The following ZNF804B variants were observed in gnomAD, a reference collection of about 807,000 sequenced individuals.
ZNF804B encodes the protein zinc finger 804B.
ZNF804B carries 80 observed loss-of-function variants against 101.4 expected under a neutral mutation model. That is an observed-to-expected ratio of 0.79 (90% CI 0.66 to 0.95). The LOEUF is 0.95. ZNF804B is among the 40% of genes least tolerant of loss of function. ZNF804B has a pLI of 0.00. For missense variants in ZNF804B, 1,673 were observed against 1,561.9 expected, an observed-to-expected ratio of 1.07 and a Z score of -1.20; for synonymous variants, 622 against 558.8, an observed-to-expected ratio of 1.11 and a Z score of -1.59.
At chr7:89,025,397 G>T (rs1167152525) in intron 1 of ZNF804B, among the ~76,000 whole-genome samples, 2 of 151,922 alleles carry the variant, frequency 1.3e-5, no homozygotes, top group African/African-American at 4.8e-5. Flanking sequence ...AGAGCTTGGA[G>T]TCTACCAAGT....
chr7:89,027,781 A>G (rs565900783), intron 1 of ZNF804B, among the ~76,000 whole-genome samples: 57 of 152,270 alleles, frequency 3.7e-4, no homozygotes, highest in African/African-American at 1.3e-3. Context: ...AATTCAGGGA[A>G]GATGCAAATT....
chr7:89,195,558 G>A (rs1358280296), intron 1 of ZNF804B, among the ~76,000 whole-genome samples: 3 of 150,306 alleles, frequency 2.0e-5, no homozygotes, highest in South Asian at 2.1e-4. Context: ...GACAAACAGA[G>A]AGCCAAATCA....
chr7:88,890,089 A>AT (rs968724890), intron 1 of ZNF804B, among the ~76,000 whole-genome samples: 48 of 152,144 alleles, frequency 3.2e-4, no homozygotes, highest in African/African-American at 1.0e-3. Context: ...TTCATAATAC[A>AT]TTTTTGAATT....
chr7:88,845,945 A>G (rs1017032444), intron 1 of ZNF804B, among the ~76,000 whole-genome samples: 1 of 152,222 alleles, frequency 6.6e-6, no homozygotes, highest in Non-Finnish European at 1.5e-5. Context: ...AAAAGAGGAA[A>G]AAAAGGAAAG....
chr7:88,993,881 A>G (rs984698328), intron 1 of ZNF804B, among the ~76,000 whole-genome samples: 1 of 151,968 alleles, frequency 6.6e-6, no homozygotes, highest in African/African-American at 2.4e-5. Flanking sequence ...TGAAAGAAAC[A>G]AGTGATTATA....
intron 2 of ZNF804B, among the ~76,000 whole-genome samples, chr7:89,304,030 G>T (rs1363109867): frequency 6.6e-6 from 1 of 151,842 alleles, no homozygotes; most frequent in Non-Finnish European, 1.5e-5. Context: ...ATAGGACCTT[G>T]ACTTGACCTC....
At chr7:89,184,372 A>G (rs978369023) in intron 1 of ZNF804B, among the ~76,000 whole-genome samples, 3 of 152,220 alleles carry the variant, frequency 2.0e-5, no homozygotes, top group Non-Finnish European at 2.9e-5. Context: ...ACAGTTAGAA[A>G]AAGAATAAAT....
chr7:89,054,627 A>T (rs1238034745), intron 1 of ZNF804B, among the ~76,000 whole-genome samples: 1 of 152,046 alleles, frequency 6.6e-6, no homozygotes, highest in Admixed American at 6.6e-5. Flanking sequence ...GTTATCTGGC[A>T]TAAAGCATTA....
intron 1 of ZNF804B, among the ~76,000 whole-genome samples, chr7:89,102,286 C>T (rs997147046): frequency 1.3e-5 from 2 of 151,932 alleles, no homozygotes; most frequent in African/African-American, 4.8e-5. Flanking sequence ...AATTTGCATT[C>T]CCACCAACAG....
At chr7:88,876,850 T>C (rs999036926) in intron 1 of ZNF804B, among the ~76,000 whole-genome samples, 3 of 150,884 alleles carry the variant, frequency 2.0e-5, no homozygotes, top group Admixed American at 6.6e-5. Flanking sequence ...GAAATGTTAA[T>C]AAAATATACA....
chr7:89,150,132 A>T (rs1449253362), intron 1 of ZNF804B, among the ~76,000 whole-genome samples: 1 of 151,962 alleles, frequency 6.6e-6, no homozygotes, highest in Non-Finnish European at 1.5e-5. Context: ...CATCCCTTTC[A>T]GTCATGAATC....
intron 1 of ZNF804B, among the ~76,000 whole-genome samples, chr7:88,881,458 G>T (rs556011695): frequency 1.3e-5 from 2 of 152,240 alleles, no homozygotes; most frequent in East Asian, 3.9e-4. Flanking sequence ...TAAGAATGCA[G>T]AGATTTCATG....
chr7:88,929,764 T>G (rs559615145), intron 1 of ZNF804B, among the ~76,000 whole-genome samples: 1 of 151,994 alleles, frequency 6.6e-6, no homozygotes, highest in Non-Finnish European at 1.5e-5. Flanking sequence ...CTATCATTAG[T>G]GTAATGGTGA....
At chr7:88,794,932 G>A (rs757553572) in intron 1 of ZNF804B, 12 of 1,585,916 alleles carry the variant, frequency 7.6e-6, no homozygotes, top group South Asian at 1.2e-5. Context: ...GTTATGGACC[G>A]AAAAGGACAT....
At chr7:89,309,497 C>T (rs535344234) in intron 2 of ZNF804B, among the ~76,000 whole-genome samples, 33 of 152,080 alleles carry the variant, frequency 2.2e-4, no homozygotes, top group African/African-American at 7.0e-4. Flanking sequence ...CATGGTGGCT[C>T]ATGCCTGTAA....
chr7:88,891,044 GTTAA>G (rs540959302), intron 1 of ZNF804B, among the ~76,000 whole-genome samples: 14 of 152,056 alleles, frequency 9.2e-5, no homozygotes, highest in East Asian at 1.9e-4. Context: ...TGAAAACAGC[GTTAA>G]TTGTTTGTGT....
chr7:89,216,220 T>C (rs1330894704), intron 1 of ZNF804B, among the ~76,000 whole-genome samples: 1 of 151,298 alleles, frequency 6.6e-6, no homozygotes, highest in African/African-American at 2.4e-5. Context: ...GACGGGAGAA[T>C]CGCTTGAACT....
intron 1 of ZNF804B, among the ~76,000 whole-genome samples, chr7:89,163,006 T>G (rs1791090785): frequency 6.6e-6 from 1 of 151,888 alleles, no homozygotes; most frequent in African/African-American, 2.4e-5. Flanking sequence ...CATGAACTCA[T>G]CATTTTTTAT....
Position 89,224,371 on chromosome 7 carries a change from A to G in ZNF804B, c.249+6076A>G, listed in dbSNP as rs535089826. 6.6e-5 allele frequency among the ~76,000 whole-genome samples: 10 copies of G among 152,056 alleles called. No individual in the cohort carries two copies. In the South Asian group the frequency reaches 2.1e-3, roughly 32 times the overall value. On this transcript the variant is annotated intron_variant, in intron 2 of 3. Transcript: ENST00000333190. ...ACTGTTTTGGATTCACCCCATCTCT[A>G]CTTGCTCTGGATAACATATCAAAAC...
Sources: gnomAD v4.1 joint callset for allele counts (sites outside exome capture counted in the v4.1 genomes callset) on GRCh38, gnomAD v4.1.1 for gene constraint, MANE v1.5 for transcripts, NCBI Gene and HGNC (gene_info 2026-07-23, HGNC 2026-07-21) for gene names.